CPNE4: variants seen among roughly 807,000 people sequenced by gnomAD.
CPNE4 encodes copine 4.
Under a neutral mutation model 67.9 loss-of-function variants are expected in CPNE4, and 25 were observed. That is an observed-to-expected ratio of 0.37 (90% CI 0.27 to 0.51). CPNE4 has a LOEUF of 0.51. Among genes scored for constraint, CPNE4 ranks in the 20% least tolerant of loss-of-function variants. CPNE4 has a pLI of 0.93. For synonymous variants in CPNE4, 242 were observed against 244.9 expected, an observed-to-expected ratio of 0.99 and a Z score of 0.11; for missense variants, 464 against 690.8, an observed-to-expected ratio of 0.67 and a Z score of 3.68.
intron 1 of CPNE4, among the ~76,000 whole-genome samples, chr3:132,008,324 G>A (rs532425924): frequency 6.6e-6 from 1 of 152,132 alleles, no homozygotes; most frequent in South Asian, 2.1e-4. Flanking sequence ...TTTTATTTAA[G>A]GTTCATATGA....
intron 7 of CPNE4, among the ~76,000 whole-genome samples, chr3:131,639,560 C>T (rs1457942637): frequency 6.6e-6 from 1 of 152,016 alleles, no homozygotes; most frequent in Non-Finnish European, 1.5e-5. Context: ...GGATTTGGAC[C>T]TGAATTCTAT....
chr3:131,678,831 CAGT>C (rs2080654354), intron 6 of CPNE4, among the ~76,000 whole-genome samples: 1 of 152,032 alleles, frequency 6.6e-6, no homozygotes, highest in African/African-American at 2.4e-5. Flanking sequence ...TTTGGTTTGC[CAGT>C]ATTTTGCTGA....
At chr3:131,982,910 T>C (rs1298516795) in intron 1 of CPNE4, among the ~76,000 whole-genome samples, 1 of 152,026 alleles carries the variant, frequency 6.6e-6, no homozygotes, top group African/African-American at 2.4e-5. Context: ...TGCTCTAAAG[T>C]TTATGCTTCT....
At chr3:132,006,857 C>A (rs1019704928) in intron 1 of CPNE4, among the ~76,000 whole-genome samples, 1 of 152,086 alleles carries the variant, frequency 6.6e-6, no homozygotes, top group Non-Finnish European at 1.5e-5. Context: ...AAGACACCAA[C>A]CTGATACTGT....
chr3:131,900,672 T>C (rs1270689514), intron 2 of CPNE4, among the ~76,000 whole-genome samples: 18 of 152,104 alleles, frequency 1.2e-4, no homozygotes, highest in Admixed American at 1.2e-3. Context: ...AATAGCTGTG[T>C]TGCTTTTTCA....
chr3:131,954,818 C>T (rs553285988), intron 1 of CPNE4, among the ~76,000 whole-genome samples: 2 of 152,226 alleles, frequency 1.3e-5, no homozygotes, highest in Admixed American at 1.3e-4. Flanking sequence ...CTACAGAGGA[C>T]ATGAACTCAT....
intron 2 of CPNE4, among the ~76,000 whole-genome samples, chr3:131,788,415 G>A (rs1362816407): frequency 6.6e-6 from 1 of 152,002 alleles, no homozygotes; most frequent in Non-Finnish European, 1.5e-5. Flanking sequence ...AAAAAGTTTA[G>A]CCTCTTTAAT....
chr3:131,737,676 A>G (rs139407003), intron 2 of CPNE4, among the ~76,000 whole-genome samples: 102 of 152,320 alleles, frequency 6.7e-4, no homozygotes, highest in African/African-American at 2.2e-3. Context: ...CTCTGTGCTA[A>G]GTCCCCAATG....
intron 2 of CPNE4, among the ~76,000 whole-genome samples, chr3:131,780,765 T>C (rs2083413279): frequency 6.6e-6 from 1 of 152,030 alleles, no homozygotes; most frequent in South Asian, 2.1e-4. Context: ...TTTTGTCAAA[T>C]GTCCAAACCC....
intron 2 of CPNE4, among the ~76,000 whole-genome samples, chr3:131,798,637 T>C (rs201949287): frequency 9.7e-6 from 1 of 103,370 alleles, no homozygotes; most frequent in African/African-American, 3.3e-5. Flanking sequence ...TCTGATATGA[T>C]AGTTTTTTGT....
In CPNE4 at chr3:131,534,733, T is replaced by C. The variant is rs1935040438; in HGVS notation, c.*462A>G. 3.3e-5 allele frequency: 5 copies of C among 152,674 alleles called. No homozygotes were observed. Among genetic ancestry groups the C allele is most frequent in the Admixed American group, 3.3e-4 (5 of 15,284 alleles). The allele number at this position is 152,674 out of a possible 1,614,324, so 9.5% of individuals were successfully genotyped here. A position where few individuals can be genotyped will look rare whatever the true frequency, so the allele number is the denominator to read the frequency against. ...AAAAACCATGTGGGTTTTTCTTTTT[T>C]TATTTTAAACATGCAAAATACAGTC... On this transcript the variant is annotated 3_prime_UTR_variant, in exon 16 of 16. Coordinates refer to ENST00000429747, the MANE Select transcript of CPNE4 (RefSeq NM_130808.3).
At position 131,991,598 on chromosome 3, in the gene CPNE4, G is replaced by T. The variant is rs1164879278; in HGVS notation, c.-2+42969C>A. Among the ~76,000 whole-genome samples the T allele has an allele frequency of 1.5e-5, 2 of 136,096 alleles. 1 individual carries two copies. 89.3% of individuals were successfully genotyped at this position (136,096 alleles called of 152,430 possible). A position where few individuals can be genotyped will look rare whatever the true frequency, so the allele number is the denominator to read the frequency against. ...GAAAGCAGAACATTAAAGTTTGGAAGATTTGCAACCTGACAATGCGATAGA... is the reference window on the plus strand; with the variant it reads ...GAAAGCAGAACATTAAAGTTTGGAATATTTGCAACCTGACAATGCGATAGA... On this transcript the variant is annotated intron_variant, in intron 1 of 15. Coordinates refer to ENST00000429747, the MANE Select transcript of CPNE4 (RefSeq NM_130808.3).
At chr3:131,916,836 A>T (rs927662671) in intron 1 of CPNE4, among the ~76,000 whole-genome samples, 8 of 152,326 alleles carry the variant, frequency 5.3e-5, no homozygotes, top group African/African-American at 1.4e-4. Context: ...AGTGACATGC[A>T]CTGGACATAC....
chr3:131,810,152 A>G (rs149082047), intron 2 of CPNE4, among the ~76,000 whole-genome samples: 2 of 152,184 alleles, frequency 1.3e-5, no homozygotes, highest in Non-Finnish European at 2.9e-5. Context: ...CTTGGCAATA[A>G]TGTTTTAGAT....
intron 2 of CPNE4, among the ~76,000 whole-genome samples, chr3:131,904,697 G>A (rs2088679328): frequency 6.6e-6 from 1 of 152,030 alleles, no homozygotes; most frequent in African/African-American, 2.4e-5. Flanking sequence ...AGATTTCATG[G>A]GACTGACTTG....
intron 1 of CPNE4, among the ~76,000 whole-genome samples, chr3:131,916,297 G>A (rs762829651): frequency 3.4e-4 from 50 of 147,642 alleles, no homozygotes; most frequent in African/African-American, 9.3e-4. Flanking sequence ...CTAGGGTCAC[G>A]TTAACAGGAA....
intron 6 of CPNE4, among the ~76,000 whole-genome samples, chr3:131,676,263 T>C (rs2080565483): frequency 6.6e-6 from 1 of 152,014 alleles, no homozygotes; most frequent in Non-Finnish European, 1.5e-5. Flanking sequence ...TTTACCATGT[T>C]GGCCAGGCTG....
intron 15 of CPNE4, among the ~76,000 whole-genome samples, chr3:131,541,899 G>A (rs1038209309): frequency 4.6e-5 from 7 of 152,090 alleles, no homozygotes; most frequent in Non-Finnish European, 2.9e-5. Context: ...TCAAACTCCT[G>A]ACCTCAGGCG....
intron 2 of CPNE4, among the ~76,000 whole-genome samples, chr3:131,783,167 G>A (rs930501094): frequency 6.6e-6 from 1 of 152,050 alleles, no homozygotes; most frequent in Non-Finnish European, 1.5e-5. Context: ...TAAGCATTTT[G>A]GCTTTTCCTC....
Sources: allele counts gnomAD v4.1 joint callset (sites outside exome capture counted in the v4.1 genomes callset), GRCh38; gene constraint gnomAD v4.1.1; transcripts MANE v1.5; gene names NCBI Gene and HGNC (gene_info 2026-07-23, HGNC 2026-07-21).